KCNB2: variants seen among roughly 807,000 people sequenced by gnomAD.
KCNB2 encodes potassium voltage-gated channel subfamily B member 2.
Under a neutral mutation model 61.5 loss-of-function variants are expected in KCNB2, and 15 were observed. That is an observed-to-expected ratio of 0.24 (90% CI 0.16 to 0.38). KCNB2 has a LOEUF of 0.38. KCNB2 is among the 10% of genes least tolerant of loss of function. The probability of loss-of-function intolerance (pLI) is 1.00; values close to 1 mark genes in which losing one functional copy is unlikely to be tolerated. For synonymous variants in KCNB2, 457 were observed against 446.0 expected (o/e 1.02, Z -0.31); for missense variants, 828 against 1,125.2 (o/e 0.74, Z 3.78).
At chr8:72,595,615 C>A (rs1807177608) in intron 2 of KCNB2, among the ~76,000 whole-genome samples, 3 of 152,134 alleles carry the variant, frequency 2.0e-5, no homozygotes, top group Non-Finnish European at 1.5e-5. Context: ...TGAGCCATGG[C>A]ACCTGGCTGT....
chr8:72,893,011 T>C (rs560448799), intron 2 of KCNB2, among the ~76,000 whole-genome samples: 2 of 151,968 alleles, frequency 1.3e-5, no homozygotes, highest in South Asian at 4.2e-4. Flanking sequence ...TACTGCACAG[T>C]GAGAAAATTT....
chr8:72,854,932 T>C (rs551968479), intron 2 of KCNB2, among the ~76,000 whole-genome samples: 24 of 152,274 alleles, frequency 1.6e-4, no homozygotes. Flanking sequence ...CTAGCTAAGA[T>C]CCATCTCAGT....
In KCNB2 at chr8:72,682,511, C is replaced by G. The variant is rs557943553; in HGVS notation, c.579+114198C>G. Among the ~76,000 whole-genome samples, 5 of 149,960 alleles carry G rather than the reference C, an allele frequency of 3.3e-5. 1 individual carries two copies. Among genetic ancestry groups the G allele is most frequent in the African/African-American group, 1.2e-4 (5 of 40,648 alleles). On this transcript the variant is annotated intron_variant, in intron 2 of 2. Coordinates refer to ENST00000523207, the MANE Select transcript of KCNB2 (RefSeq NM_004770.3). ...AAAAATCCCATATTTGATTGGGGCTCTTTGTTGCTGTATTGCCTGACTCTG... is the reference window on the plus strand; with the variant it reads ...AAAAATCCCATATTTGATTGGGGCTGTTTGTTGCTGTATTGCCTGACTCTG...
intron 2 of KCNB2, among the ~76,000 whole-genome samples, chr8:72,656,091 C>A (rs1019563105): frequency 6.6e-6 from 1 of 152,140 alleles, no homozygotes; most frequent in South Asian, 2.1e-4. Flanking sequence ...AAGAATCCTA[C>A]TTTAATTCTC....
Position 72,537,310 on chromosome 8 carries a change from C to A in KCNB2, c.-669C>A, listed in dbSNP as rs1466632748. On this transcript the variant is annotated 5_prime_UTR_variant, in exon 1 of 3. Coordinates refer to ENST00000523207, the MANE Select transcript of KCNB2 (RefSeq NM_004770.3). ...GCCCCGCCTAGCCTCCCGCGCGCAG[C>A]CTCTACCCTGCTCCGCCACAGACAC... 1.3e-5 allele frequency: 2 copies of A among 152,290 alleles called. No individual in the cohort carries two copies. Among genetic ancestry groups the A allele is most frequent in the Non-Finnish European group, 2.9e-5 (2 of 67,918 alleles). 9.4% of individuals were successfully genotyped at this position (152,290 alleles called of 1,614,324 possible).
At chr8:72,732,986 A>T (rs1485511802) in intron 2 of KCNB2, among the ~76,000 whole-genome samples, 4 of 152,044 alleles carry the variant, frequency 2.6e-5, no homozygotes, top group Non-Finnish European at 2.9e-5. Flanking sequence ...TGTGTTGAAG[A>T]TGCTAAAAAA....
At chr8:72,795,148 C>A (rs1430915958) in intron 2 of KCNB2, among the ~76,000 whole-genome samples, 2 of 152,062 alleles carry the variant, frequency 1.3e-5, no homozygotes, top group Non-Finnish European at 2.9e-5. Context: ...GTTTTAATAC[C>A]ACTCCAGACA....
chr8:72,715,279 A>G (rs943683669), intron 2 of KCNB2, among the ~76,000 whole-genome samples: 6 of 152,220 alleles, frequency 3.9e-5, no homozygotes, highest in Admixed American at 6.5e-5. Context: ...AAGGATATCC[A>G]GGAATTGAAC....
chr8:72,776,421 A>G (rs920712857), intron 2 of KCNB2, among the ~76,000 whole-genome samples: 27 of 152,140 alleles, frequency 1.8e-4, no homozygotes, highest in Non-Finnish European at 1.3e-4. Flanking sequence ...TCATTTGATT[A>G]TTTCCTGTGT....
chr8:72,889,457 G>A (rs1805860427), intron 2 of KCNB2, among the ~76,000 whole-genome samples: 1 of 152,136 alleles, frequency 6.6e-6, no homozygotes, highest in Non-Finnish European at 1.5e-5. Flanking sequence ...GGAGGCTTAG[G>A]CGGGAGGACT....
At chr8:72,770,582 C>T (rs747817931) in intron 2 of KCNB2, among the ~76,000 whole-genome samples, 2 of 152,080 alleles carry the variant, frequency 1.3e-5, no homozygotes, top group South Asian at 2.1e-4. Context: ...TGTCACTTAC[C>T]GGCTATATAA....
chr8:72,590,352 G>GC (rs1341672501), intron 2 of KCNB2, among the ~76,000 whole-genome samples: 1 of 151,960 alleles, frequency 6.6e-6, no homozygotes, highest in Non-Finnish European at 1.5e-5. Context: ...TTTCCCTGCT[G>GC]CCTTTTTTTT....
At chr8:72,607,109 G>A (rs1349125890) in intron 2 of KCNB2, among the ~76,000 whole-genome samples, 1 of 152,134 alleles carries the variant, frequency 6.6e-6, no homozygotes, top group Non-Finnish European at 1.5e-5. Flanking sequence ...CTCAAAAATG[G>A]GCCGATGTCT....
intron 2 of KCNB2, among the ~76,000 whole-genome samples, chr8:72,927,164 G>T (rs990424004): frequency 2.6e-5 from 4 of 152,130 alleles, no homozygotes; most frequent in African/African-American, 9.7e-5. Flanking sequence ...AGGAAAACTG[G>T]TCTATAGAAG....
At chr8:72,678,241 C>A (rs1369372120) in intron 2 of KCNB2, among the ~76,000 whole-genome samples, 1 of 152,196 alleles carries the variant, frequency 6.6e-6, no homozygotes, top group Admixed American at 6.5e-5. Context: ...CAAGATCATC[C>A]TAACTGAAAC....
chr8:72,687,607 G>A (rs981854818), intron 2 of KCNB2, among the ~76,000 whole-genome samples: 5 of 152,092 alleles, frequency 3.3e-5, no homozygotes, highest in East Asian at 1.9e-4. Context: ...GTAGTGTGCC[G>A]TTAACCCTAA....
chr8:72,786,619 A>C (rs571427371), intron 2 of KCNB2, among the ~76,000 whole-genome samples: 2 of 152,288 alleles, frequency 1.3e-5, no homozygotes, highest in South Asian at 4.1e-4. Flanking sequence ...GAGCATTGCT[A>C]TCTCAATACT....
chr8:72,685,298 T>G (rs1206818015), intron 2 of KCNB2, among the ~76,000 whole-genome samples: 1 of 152,148 alleles, frequency 6.6e-6, no homozygotes, highest in African/African-American at 2.4e-5. Flanking sequence ...ATTTCAGGGT[T>G]TTTTTTCTTC....
chr8:72,915,052 G>GC lies in KCNB2; in HGVS notation c.580-20882dup, dbSNP rs1365875373. On this transcript the variant is annotated intron_variant, in intron 2 of 2. Coordinates refer to ENST00000523207, the MANE Select transcript of KCNB2 (RefSeq NM_004770.3). ...CCTGAGTAGCTGGGATTACAGGCAT[G>GC]CACCACCATGCCCCGCTAATTTTTT... 2.6e-5 allele frequency among the ~76,000 whole-genome samples: 4 copies of GC among 151,854 alleles called. 1 individual carries two copies. Among genetic ancestry groups the GC allele is most frequent in the South Asian group, 4.1e-4 (2 of 4,826 alleles).
Sources: allele counts gnomAD v4.1 joint callset (sites outside exome capture counted in the v4.1 genomes callset), GRCh38; gene constraint gnomAD v4.1.1; transcripts MANE v1.5; gene names NCBI Gene and HGNC (gene_info 2026-07-23, HGNC 2026-07-21).